LRMDA: variants seen among roughly 807,000 people sequenced by gnomAD.
LRMDA encodes leucine rich melanocyte differentiation associated, also known as leucine-rich melanocyte differentiation-associated protein.
Under a neutral mutation model 29.8 loss-of-function variants are expected in LRMDA, and 18 were observed. The observed-to-expected ratio is 0.60, with a 90% CI of 0.42 to 0.90. The LOEUF is 0.90. Among genes scored for constraint, LRMDA ranks in the 40% least tolerant of loss-of-function variants. The pLI, the probability that LRMDA is intolerant of heterozygous loss-of-function variation, is 0.00. For missense variants in LRMDA, 273 were observed against 273.9 expected, an observed-to-expected ratio of 1.00 and a Z score of 0.02; for synonymous variants, 125 against 109.4, an observed-to-expected ratio of 1.14 and a Z score of -0.89.
intron 2 of LRMDA, among the ~76,000 whole-genome samples, chr10:75,847,452 T>C (rs1395119312): frequency 6.6e-6 from 1 of 152,124 alleles, no homozygotes; most frequent in East Asian, 1.9e-4. Context: ...GATTAAGCAA[T>C]GATATTGGAT....
intron 2 of LRMDA, among the ~76,000 whole-genome samples, chr10:75,798,561 A>T (rs1000001485): frequency 3.9e-5 from 6 of 151,948 alleles, no homozygotes; most frequent in Non-Finnish European, 7.4e-5. Flanking sequence ...GAAACTTGTG[A>T]TTTTAAGCTT....
chr10:76,306,335 G>A (rs1258633892), intron 5 of LRMDA, among the ~76,000 whole-genome samples: 21 of 152,248 alleles, frequency 1.4e-4, no homozygotes. Flanking sequence ...GCCTAGCAGA[G>A]CATTTGTACA....
intron 1 of LRMDA, 98 bp downstream of exon 1, chr10:75,431,852 C>T: frequency 1.7e-6 from 2 of 1,169,484 alleles, no homozygotes; most frequent in South Asian, 3.3e-5. Flanking sequence ...ACCCCTGTCC[C>T]CGCCTCAGGG....
chr10:76,243,152 A>T (rs1185502882), intron 5 of LRMDA, among the ~76,000 whole-genome samples: 5 of 152,196 alleles, frequency 3.3e-5, no homozygotes, highest in African/African-American at 1.2e-4. Context: ...CCGTATCACG[A>T]CAAGCCTCGG....
intron 6 of LRMDA, among the ~76,000 whole-genome samples, chr10:76,469,604 A>C (rs529297597): frequency 6.6e-6 from 1 of 152,194 alleles, no homozygotes; most frequent in East Asian, 1.9e-4. Flanking sequence ...AGCTCTCCTT[A>C]GGGGAACTGT....
At chr10:75,979,860 A>G (rs912055559) in intron 2 of LRMDA, among the ~76,000 whole-genome samples, 1 of 152,196 alleles carries the variant, frequency 6.6e-6, no homozygotes, top group African/African-American at 2.4e-5. Context: ...AGCTAGTCTA[A>G]TGAACTAATC....
At chr10:75,949,868 C>G (rs1846543286) in intron 2 of LRMDA, among the ~76,000 whole-genome samples, 1 of 152,112 alleles carries the variant, frequency 6.6e-6, no homozygotes, top group East Asian at 1.9e-4. Context: ...CATTTTGCCC[C>G]AAGATGTTGC....
intron 2 of LRMDA, among the ~76,000 whole-genome samples, chr10:75,982,770 GA>G (rs1847195063): frequency 6.6e-6 from 1 of 152,150 alleles, no homozygotes; most frequent in African/African-American, 2.4e-5. Context: ...ACTTTATTCA[GA>G]ACAGAAAAGG....
intron 6 of LRMDA, among the ~76,000 whole-genome samples, chr10:76,361,457 A>G (rs1841312115): frequency 6.6e-6 from 1 of 151,672 alleles, no homozygotes; most frequent in Non-Finnish European, 1.5e-5. Context: ...AAACAGAGCA[A>G]CTCTTTATAT....
intron 2 of LRMDA, among the ~76,000 whole-genome samples, chr10:75,472,424 GGTTAA>G (rs1832220789): frequency 6.6e-6 from 1 of 152,188 alleles, no homozygotes; most frequent in Non-Finnish European, 1.5e-5. Context: ...CAAGAAGAGG[GGTTAA>G]GTTGTTTGCT....
chr10:75,605,142 T>C (rs1840939932), intron 2 of LRMDA, among the ~76,000 whole-genome samples: 1 of 152,228 alleles, frequency 6.6e-6, no homozygotes, highest in Admixed American at 6.5e-5. Context: ...ACAGTTCATA[T>C]GACTAAATAC....
chr10:75,692,446 T>C (rs1232778421), intron 2 of LRMDA, among the ~76,000 whole-genome samples: 1 of 150,638 alleles, frequency 6.6e-6, no homozygotes, highest in Admixed American at 6.7e-5. Context: ...CATACATATA[T>C]GTATATACAA....
chr10:76,513,280 T>A (rs1317767105), intron 6 of LRMDA, among the ~76,000 whole-genome samples: 1 of 152,228 alleles, frequency 6.6e-6, no homozygotes, highest in Non-Finnish European at 1.5e-5. Flanking sequence ...CCCTGTGTTT[T>A]AAAATACAAA....
At chr10:75,773,914 G>C (rs1843275414) in intron 2 of LRMDA, among the ~76,000 whole-genome samples, 1 of 152,180 alleles carries the variant, frequency 6.6e-6, no homozygotes, top group African/African-American at 2.4e-5. Context: ...TTCACATCTT[G>C]TGTGTTTCTC....
intron 2 of LRMDA, 53 bp downstream of exon 2, chr10:75,438,547 G>C (rs1844288907): frequency 4.4e-6 from 6 of 1,359,730 alleles, no homozygotes; most frequent in Admixed American, 4.0e-5. Context: ...AGTCCTCCTG[G>C]GTACTTTAGG....
chr10:76,197,869 G>A (rs1851357941), intron 5 of LRMDA, among the ~76,000 whole-genome samples: 1 of 151,526 alleles, frequency 6.6e-6, no homozygotes, highest in African/African-American at 2.4e-5. Context: ...GCGGTGAGTC[G>A]AGATCGCGCC....
At chr10:76,447,053 C>CT (rs56294340) in intron 6 of LRMDA, among the ~76,000 whole-genome samples, 43,327 of 145,934 alleles carry the variant, frequency 0.3, 6,697 homozygotes, top group Non-Finnish European at 0.36. Context: ...TGATTTCTTT[C>CT]TTTTTTTTTT....
At chr10:75,652,542 G>A (rs1433938555) in intron 2 of LRMDA, among the ~76,000 whole-genome samples, 3 of 152,218 alleles carry the variant, frequency 2.0e-5, no homozygotes, top group Non-Finnish European at 4.4e-5. Flanking sequence ...GTTCTGTGAA[G>A]CATTAAGCTT....
In LRMDA at chr10:75,898,022, C is replaced by T. The variant is rs571568657; in HGVS notation, c.132-137986C>T. ...TGTATTTTTAGTAGAGACGGGGTTTCACCATGTGGGCCAGGCTGGTCTTGA... is the reference window on the plus strand; with the variant it reads ...TGTATTTTTAGTAGAGACGGGGTTTTACCATGTGGGCCAGGCTGGTCTTGA... On this transcript the variant is annotated intron_variant, in intron 2 of 6. Coordinates refer to ENST00000611255, the MANE Select transcript of LRMDA (RefSeq NM_001305581.2). Among the ~76,000 whole-genome samples, 15 of 152,028 alleles carry T rather than the reference C, an allele frequency of 9.9e-5. No homozygotes were observed. In the East Asian group the frequency reaches 2.5e-3, roughly 26 times the overall value.
Sources: gnomAD v4.1 joint callset for allele counts (sites outside exome capture counted in the v4.1 genomes callset) on GRCh38, gnomAD v4.1.1 for gene constraint, MANE v1.5 for transcripts, NCBI Gene and HGNC (gene_info 2026-07-23, HGNC 2026-07-21) for gene names.